The following CDH10 variants were observed in gnomAD, a reference collection of about 807,000 sequenced individuals.
CDH10 encodes cadherin-10.
Under a neutral mutation model 73.1 loss-of-function variants are expected in CDH10, and 30 were observed. The observed-to-expected ratio is 0.41, with a 90% CI of 0.31 to 0.56. The LOEUF (loss-of-function observed/expected upper bound fraction) is 0.56, where lower values mean the gene tolerates loss of function less well. CDH10 is among the 20% of genes least tolerant of loss of function. CDH10 has a pLI of 0.27. For missense variants in CDH10, 815 were observed against 973.7 expected, an observed-to-expected ratio of 0.84 and a Z score of 2.17; for synonymous variants, 345 against 348.2, an observed-to-expected ratio of 0.99 and a Z score of 0.10.
At chr5:24,504,224 C>A (rs1742599078) in intron 8 of CDH10, among the ~76,000 whole-genome samples, 1 of 152,006 alleles carries the variant, frequency 6.6e-6, no homozygotes, top group Non-Finnish European at 1.5e-5. Context: ...ACATAAAACC[C>A]CCATATAGAA....
In CDH10 at chr5:24,498,491, A is replaced by T. The variant is rs766154972; in HGVS notation, c.1422T>A (p.Ala474=). 4 of 1,600,382 alleles carry T rather than the reference A, an allele frequency of 2.5e-6. No individual in the cohort carries two copies. In the Admixed American group the frequency reaches 6.7e-5, roughly 27 times the overall value. The part of the protein sequence containing the change: ...INNPKETTRV[A]VFVRILDVND... ...TAACATCCAAAATTCTCACAAAAAC[A>T]GCCACGCGTGTTGTCTCTTTGGGAT... Residue 474 remains alanine (A), a synonymous_variant, in exon 9 of 12, where the codon GCT becomes GCA. Transcript: ENST00000264463.
chr5:24,644,399 T>C (rs115372965), intron 1 of CDH10, among the ~76,000 whole-genome samples, 195 bp downstream of exon 1: 1,592 of 152,328 alleles, frequency 0.01, 12 homozygotes, highest in Non-Finnish European at 0.016. Context: ...ATATAGATAT[T>C]CGAAGCAGTT....
intron 4 of CDH10, 46 bp from the exon 5 acceptor site, chr5:24,535,325 C>T (rs2111879971): frequency 2.6e-6 from 4 of 1,524,770 alleles, no homozygotes; most frequent in Non-Finnish European, 3.6e-6. Flanking sequence ...CTGAAATCTC[C>T]ATTGTTATTT....
rs1443753590 is a variant in CDH10, at chr5:24,491,860, T to C, written c.1625-33A>G. The stretch of plus-strand genomic sequence containing the variant: ...AAATTTTAAAATATTACAAATGGTT[T>C]GGGATAGTAAATTTTTCCCAATGTG... On this transcript the variant is annotated intron_variant, in intron 10 of 11. Coordinates refer to ENST00000264463, the MANE Select transcript of CDH10 (RefSeq NM_006727.5). 5 of 1,461,616 alleles carry C rather than the reference T, an allele frequency of 3.4e-6. No individual in the cohort carries two copies. The African/African-American group carries it at 4.2e-5, about 12-fold the overall frequency. 90.5% of individuals were successfully genotyped at this position (1,461,616 alleles called of 1,614,324 possible).
At chr5:24,541,837 CA>C (rs1438113682) in intron 2 of CDH10, among the ~76,000 whole-genome samples, 4 of 151,954 alleles carry the variant, frequency 2.6e-5, no homozygotes, top group Admixed American at 1.3e-4. Flanking sequence ...AATTCACAAC[CA>C]GATAAAGGAC....
At chr5:24,550,888 A>T (rs1223802959) in intron 2 of CDH10, among the ~76,000 whole-genome samples, 1 of 152,046 alleles carries the variant, frequency 6.6e-6, no homozygotes, top group African/African-American at 2.4e-5. Context: ...TTCCAACACA[A>T]ATCGTCCTAA....
At chr5:24,629,789 C>T (rs1249300850) in intron 1 of CDH10, among the ~76,000 whole-genome samples, 1 of 152,136 alleles carries the variant, frequency 6.6e-6, no homozygotes, top group East Asian at 1.9e-4. Context: ...ATTCCTGAGG[C>T]CTCCCCAGCC....
intron 5 of CDH10, among the ~76,000 whole-genome samples, chr5:24,515,120 A>T (rs1743060705): frequency 6.6e-6 from 1 of 152,228 alleles, no homozygotes; most frequent in Non-Finnish European, 1.5e-5. Context: ...TAAAAATAAC[A>T]GATAGTATCA....
chr5:24,500,788 A>C (rs1327819372), intron 8 of CDH10, among the ~76,000 whole-genome samples: 1 of 152,148 alleles, frequency 6.6e-6, no homozygotes, highest in Admixed American at 6.5e-5. Flanking sequence ...TATCTTCTTC[A>C]CTTTCTTATG....
At chr5:24,557,147 T>C (rs1269999484) in intron 2 of CDH10, among the ~76,000 whole-genome samples, 3 of 151,608 alleles carry the variant, frequency 2.0e-5, no homozygotes, top group Non-Finnish European at 3.0e-5. Flanking sequence ...GTACTATTAG[T>C]ATATTCTGTA....
At chr5:24,628,781 C>T (rs1015046313) in intron 1 of CDH10, among the ~76,000 whole-genome samples, 2 of 151,824 alleles carry the variant, frequency 1.3e-5, no homozygotes. Flanking sequence ...TTCATTCCTG[C>T]CTTTGCTCAC....
Position 24,630,547 on chromosome 5 carries a change from T to C in CDH10, c.-124+14047A>G, listed in dbSNP as rs551128851. Among the ~76,000 whole-genome samples the C allele has an allele frequency of 7.6e-4, 68 of 89,684 alleles. No homozygotes were observed. In the East Asian group the frequency reaches 0.022, roughly 30 times the overall value. The allele number at this position is 89,684 out of a possible 152,430, so 58.8% of individuals were successfully genotyped here. On this transcript the variant is annotated intron_variant, in intron 1 of 11. Coordinates refer to ENST00000264463, the MANE Select transcript of CDH10 (RefSeq NM_006727.5). ...CAGCCCTGGTGACAAAAAGAGATCA[T>C]CTTAAAAAAAAAAAAAAAAGAATAT...
chr5:24,507,516 A>G (rs1742740767), intron 7 of CDH10, among the ~76,000 whole-genome samples: 1 of 151,964 alleles, frequency 6.6e-6, no homozygotes, highest in South Asian at 2.1e-4. Context: ...TATAATAATT[A>G]TATGTCCATA....
chr5:24,583,668 C>T (rs889367837), intron 2 of CDH10, among the ~76,000 whole-genome samples: 5 of 151,990 alleles, frequency 3.3e-5, no homozygotes, highest in Admixed American at 1.3e-4. Flanking sequence ...TTTTTTGAGA[C>T]GGAGTCTCAC....
At chr5:24,616,580 C>A (rs894265504) in intron 1 of CDH10, among the ~76,000 whole-genome samples, 1 of 151,960 alleles carries the variant, frequency 6.6e-6, no homozygotes, top group Non-Finnish European at 1.5e-5. Context: ...GCACATACCT[C>A]ATACTTTCTA....
chr5:24,495,147 T>C (rs1742221836), intron 9 of CDH10, among the ~76,000 whole-genome samples: 1 of 152,208 alleles, frequency 6.6e-6, no homozygotes, highest in Non-Finnish European at 1.5e-5. Flanking sequence ...TTATTTTCCC[T>C]GGCTCTTTCT....
chr5:24,521,269 G>T (rs6891428), intron 5 of CDH10, among the ~76,000 whole-genome samples: 54,498 of 152,026 alleles, frequency 0.36, 11,923 homozygotes, highest in East Asian at 0.58. Context: ...AGTGGGCCGG[G>T]TGTGGTGGCT....
chr5:24,511,591 G>GA (rs1279407999), intron 5 of CDH10, 77 bp from the exon 6 acceptor site: 4 of 658,510 alleles, frequency 6.1e-6, no homozygotes, highest in East Asian at 2.9e-5. Flanking sequence ...GAGAGAGAGA[G>GA]ATTTCTCAAT....
chr5:24,511,472 G>A lies in CDH10; in HGVS notation c.857C>T (p.Thr286Ile), dbSNP rs2111766635. 2 of 1,609,216 alleles carry A rather than the reference G, an allele frequency of 1.2e-6. No homozygotes were observed. Among genetic ancestry groups the A allele is most frequent in the Non-Finnish European group, 1.7e-6 (2 of 1,176,110 alleles). ...LRVLESSPVG[T>I]AIGSVKATDA... ...AGTTGCTTTGACACTTCCAATGGCTGTGCCAACTGGGGAGGATTCAAGAAC... is the reference window on the plus strand; with the variant it reads ...AGTTGCTTTGACACTTCCAATGGCTATGCCAACTGGGGAGGATTCAAGAAC... Residue 286 changes from threonine (T) to isoleucine (I), a missense_variant, in exon 6 of 12, where the codon ACA becomes ATA. Coordinates refer to ENST00000264463, the MANE Select transcript of CDH10 (RefSeq NM_006727.5).
Sources: gnomAD v4.1 joint callset for allele counts (sites outside exome capture counted in the v4.1 genomes callset) on GRCh38, gnomAD v4.1.1 for gene constraint, MANE v1.5 for transcripts, NCBI Gene and HGNC (gene_info 2026-07-23, HGNC 2026-07-21) for gene names.